The following UGT8 variants were observed in gnomAD, a reference collection of about 807,000 sequenced individuals.
UGT8 encodes the protein UDP glycosyltransferase 8.
UGT8 carries 12 observed loss-of-function variants against 40.5 expected under a neutral mutation model. That is an observed-to-expected ratio of 0.30 (90% confidence interval 0.19 to 0.48). The LOEUF is 0.48. Ranked by LOEUF, UGT8 falls within the 20% of genes least tolerant of loss-of-function variation. UGT8 has a pLI of 0.99. For synonymous variants in UGT8, 224 were observed against 240.4 expected (o/e 0.93, Z 0.63); for missense variants, 513 against 648.7 (o/e 0.79, Z 2.27).
At chr4:114,667,061 AT>A (rs1205245438) in intron 4 of UGT8, among the ~76,000 whole-genome samples, 1 of 152,128 alleles carries the variant, frequency 6.6e-6, no homozygotes, top group African/African-American at 2.4e-5. Flanking sequence ...TTTGCTAAAA[AT>A]AAAGTTTGAA....
intron 1 of UGT8, among the ~76,000 whole-genome samples, chr4:114,605,319 T>C (rs1730673374): frequency 6.6e-6 from 1 of 152,202 alleles, no homozygotes; most frequent in African/African-American, 2.4e-5. Flanking sequence ...CCTTGTAGCA[T>C]TGTACTATTT....
chr4:114,629,108 G>T (rs947821901), intron 2 of UGT8, among the ~76,000 whole-genome samples: 2 of 152,064 alleles, frequency 1.3e-5, no homozygotes, highest in African/African-American at 2.4e-5. Context: ...ATCCAGGGTT[G>T]CAGCAGATGT....
intron 2 of UGT8, among the ~76,000 whole-genome samples, chr4:114,658,314 G>A (rs767046651): frequency 6.6e-6 from 1 of 152,166 alleles, no homozygotes; most frequent in Admixed American, 6.5e-5. Context: ...TCATCTCTGT[G>A]TAGGATTCTC....
intron 1 of UGT8, among the ~76,000 whole-genome samples, chr4:114,601,150 G>A (rs13134858): frequency 0.1 from 15,762 of 152,022 alleles, 1,189 homozygotes; most frequent in Non-Finnish European, 0.14. Context: ...AGCTTGGTAC[G>A]CGTCTTAGAA....
intron 2 of UGT8, among the ~76,000 whole-genome samples, chr4:114,626,961 A>AGCATTTTGT (rs1410511721): frequency 6.6e-6 from 1 of 152,224 alleles, no homozygotes; most frequent in Non-Finnish European, 1.5e-5. Context: ...TGATTACAAA[A>AGCATTTTGT]TGTTGTGTCA....
intron 2 of UGT8, among the ~76,000 whole-genome samples, chr4:114,656,529 T>G (rs921682587): frequency 6.6e-6 from 1 of 152,192 alleles, no homozygotes; most frequent in Non-Finnish European, 1.5e-5. Flanking sequence ...AGATTACTAT[T>G]AGCTTTCTTG....
At chr4:114,640,268 G>A (rs1257644110) in intron 2 of UGT8, among the ~76,000 whole-genome samples, 1 of 151,538 alleles carries the variant, frequency 6.6e-6, no homozygotes, top group Non-Finnish European at 1.5e-5. Flanking sequence ...CTGACCTTGT[G>A]ATCCGCCCGC....
At chr4:114,631,996 C>G (rs1049659955) in intron 2 of UGT8, among the ~76,000 whole-genome samples, 4 of 152,134 alleles carry the variant, frequency 2.6e-5, no homozygotes, top group South Asian at 2.1e-4. Context: ...AGATATAGAT[C>G]TAAATAGAGT....
At chr4:114,602,743 G>T (rs968038612) in intron 1 of UGT8, among the ~76,000 whole-genome samples, 4 of 152,230 alleles carry the variant, frequency 2.6e-5, no homozygotes, top group Admixed American at 6.5e-5. Context: ...CAGAAATTTG[G>T]AAGTGGTCAA....
At chr4:114,663,470 A>C (rs1734675204) in intron 2 of UGT8, among the ~76,000 whole-genome samples, 1 of 152,068 alleles carries the variant, frequency 6.6e-6, no homozygotes, top group Non-Finnish European at 1.5e-5. Flanking sequence ...ATTTATTCAA[A>C]AGGATGGCAT....
At position 114,623,118 on chromosome 4, in the gene UGT8, A is replaced by ACCACCTCAG. The variant is rs1344232819; in HGVS notation, c.239_247dup (p.Ser82_Asp83insAlaThrSer). On this transcript the variant is annotated inframe_insertion, in exon 2 of 6. Transcript: ENST00000310836. ...GCGCTACCCAGGGATCTTTAACAGTACCACCTCAGATGCTTTCCTACAGTC... is the reference window on the plus strand; with the variant it reads ...GCGCTACCCAGGGATCTTTAACAGTACCACCTCAGCCACCTCAGATGCTTTCCTACAGTC... 29 of 1,613,946 alleles carry ACCACCTCAG rather than the reference A, an allele frequency of 1.8e-5. No individual in the cohort carries two copies. Among genetic ancestry groups the ACCACCTCAG allele is most frequent in the Non-Finnish European group, 2.4e-5 (28 of 1,180,016 alleles).
chr4:114,665,774 G>T lies in UGT8; in HGVS notation c.1042+18G>T. ...CCTGCTTGGTAAGTCAATGATGTGT[G>T]GTTACTTACTTGGCTGTTAGGTTTT... On this transcript the variant is annotated intron_variant, in intron 4 of 5. Transcript: ENST00000310836. The T allele has an allele frequency of 6.3e-7, 1 of 1,581,762 alleles. No individual in the cohort carries two copies. Among genetic ancestry groups the T allele is most frequent in the Non-Finnish European group, 8.6e-7 (1 of 1,166,908 alleles).
At chr4:114,604,167 T>C (rs1244233993) in intron 1 of UGT8, among the ~76,000 whole-genome samples, 1 of 152,188 alleles carries the variant, frequency 6.6e-6, no homozygotes, top group East Asian at 1.9e-4. Context: ...AAAAAGCACC[T>C]GGTAATTAAA....
At chr4:114,616,745 T>G (rs930960648) in intron 1 of UGT8, among the ~76,000 whole-genome samples, 6 of 152,126 alleles carry the variant, frequency 3.9e-5, no homozygotes, top group African/African-American at 1.4e-4. Flanking sequence ...TTGGCTCCCA[T>G]GTATGGTATT....
intron 1 of UGT8, among the ~76,000 whole-genome samples, chr4:114,615,054 A>T (rs1271984328): frequency 6.6e-6 from 1 of 152,184 alleles, no homozygotes; most frequent in Non-Finnish European, 1.5e-5. Flanking sequence ...TACATGTTTA[A>T]AACGAGGGCT....
intron 1 of UGT8, among the ~76,000 whole-genome samples, chr4:114,614,691 A>G (rs1731292640): frequency 6.6e-6 from 1 of 152,128 alleles, no homozygotes; most frequent in Admixed American, 6.5e-5. Context: ...AAATAAATAT[A>G]ATTTTTCTGA....
intron 2 of UGT8, among the ~76,000 whole-genome samples, chr4:114,634,035 A>G (rs911929878): frequency 6.6e-6 from 1 of 152,262 alleles, no homozygotes; most frequent in Non-Finnish European, 1.5e-5. Flanking sequence ...TGAATGTTGC[A>G]GTAGCTCAGA....
chr4:114,619,880 A>C (rs1364949208), intron 1 of UGT8, among the ~76,000 whole-genome samples: 1 of 151,682 alleles, frequency 6.6e-6, no homozygotes, highest in Admixed American at 6.6e-5. Flanking sequence ...GGTGCATTTG[A>C]TATGTCTGCA....
chr4:114,668,004 C>T (rs1335135519), intron 4 of UGT8, 81 bp from the exon 5 acceptor site: 14 of 1,543,264 alleles, frequency 9.1e-6, no homozygotes, highest in Admixed American at 5.8e-5. Context: ...ACTGTAGTGC[C>T]GATTTTTAAT....
Sources: gnomAD v4.1 joint callset for allele counts (sites outside exome capture counted in the v4.1 genomes callset) on GRCh38, gnomAD v4.1.1 for gene constraint, MANE v1.5 for transcripts, NCBI Gene and HGNC (gene_info 2026-07-23, HGNC 2026-07-21) for gene names.